The following MID2 variants were observed in gnomAD, a reference collection of about 807,000 sequenced individuals.
MID2 encodes midline 2.
MID2 carries 13 observed loss-of-function variants against 46.1 expected under a neutral mutation model. The ratio of observed to expected loss-of-function variants is 0.28; its 90% CI spans 0.18 to 0.45. The LOEUF is 0.45. Ranked by LOEUF, MID2 falls within the 20% of genes least tolerant of loss-of-function variation. MID2 has a pLI of 1.00. For missense variants in MID2, 431 were observed against 575.4 expected (o/e 0.75, Z 2.57); for synonymous variants, 199 against 212.3 (o/e 0.94, Z 0.55).
chrX:107,886,914 A>T (rs1932466171), intron 3 of MID2, among the ~76,000 whole-genome samples: 1 of 111,293 alleles, frequency 9.0e-6, no homozygotes, highest in African/African-American at 3.3e-5. Context: ...TCATGATTTG[A>T]CTTTCTGTTT....
chrX:107,892,659 GC>G (rs1410157514), intron 3 of MID2, among the ~76,000 whole-genome samples: 3 of 111,195 alleles, frequency 2.7e-5, no homozygotes, highest in Non-Finnish European at 5.7e-5. Context: ...TTATGATCTG[GC>G]CCCTACCTAC....
At chrX:107,874,987 G>A (rs1484084848) in intron 3 of MID2, among the ~76,000 whole-genome samples, 1 of 110,503 alleles carries the variant, frequency 9.0e-6, no homozygotes, top group Non-Finnish European at 1.9e-5. Context: ...TCCTCAGTTC[G>A]AGCACAGAGG....
intron 1 of MID2, among the ~76,000 whole-genome samples, chrX:107,833,620 G>A (rs1931141390): frequency 2.7e-5 from 3 of 109,222 alleles, no homozygotes; most frequent in African/African-American, 1.0e-4. Context: ...TAATTAAGTG[G>A]GCATTTAATT....
chrX:107,853,239 T>G (rs1931669224), intron 2 of MID2, among the ~76,000 whole-genome samples: 1 of 111,788 alleles, frequency 8.9e-6, no homozygotes, highest in South Asian at 3.8e-4. Flanking sequence ...GTACCCCTAA[T>G]ATGTACCTGA....
At chrX:107,904,186 C>A in intron 4 of MID2, 121 bp downstream of exon 4, 1 of 530,942 alleles carries the variant, frequency 1.9e-6, no homozygotes. Context: ...GGGGGAGAGG[C>A]AAAGAAGTGA....
At chrX:107,856,893 A>T (rs972037648) in intron 3 of MID2, among the ~76,000 whole-genome samples, 12 of 112,186 alleles carry the variant, frequency 1.1e-4, no homozygotes, top group African/African-American at 3.6e-4. Context: ...AAATCCGATC[A>T]TGTAAGCCAC....
At chrX:107,886,555 G>A (rs1209036898) in intron 3 of MID2, among the ~76,000 whole-genome samples, 1 of 111,831 alleles carries the variant, frequency 8.9e-6, no homozygotes, top group African/African-American at 3.3e-5. Flanking sequence ...GTCAGGTAGC[G>A]TGATGCTTCC....
At chrX:107,885,175 G>T (rs1932423274) in intron 3 of MID2, among the ~76,000 whole-genome samples, 1 of 108,897 alleles carries the variant, frequency 9.2e-6, no homozygotes, top group Non-Finnish European at 1.9e-5. Flanking sequence ...ACAACGTGCA[G>T]GTTTGTTACA....
intron 3 of MID2, among the ~76,000 whole-genome samples, chrX:107,856,257 A>G (rs1240395121): frequency 8.9e-6 from 1 of 111,879 alleles, no homozygotes; most frequent in African/African-American, 3.2e-5. Flanking sequence ...CACTCTGTCA[A>G]AGTTTCTCAT....
At chrX:107,854,154 A>C (rs1165473335) in intron 2 of MID2, among the ~76,000 whole-genome samples, 2 of 111,617 alleles carry the variant, frequency 1.8e-5, no homozygotes, top group Non-Finnish European at 3.8e-5. Flanking sequence ...ATAAGTTGAA[A>C]ATTTCTTAAG....
chrX:107,846,535 T>A (rs1246589774), intron 2 of MID2, among the ~76,000 whole-genome samples: 1 of 111,083 alleles, frequency 9.0e-6, no homozygotes, highest in African/African-American at 3.3e-5. Context: ...CCCCATCACA[T>A]ACAATATGTG....
At chrX:107,857,430 G>A (rs900834825) in intron 3 of MID2, among the ~76,000 whole-genome samples, 3 of 111,320 alleles carry the variant, frequency 2.7e-5, no homozygotes, top group Non-Finnish European at 5.7e-5. Flanking sequence ...ACAGGCACAC[G>A]CCACCATGCC....
intron 9 of MID2, 55 bp downstream of exon 9, chrX:107,926,356 G>A: frequency 1.0e-6 from 1 of 993,731 alleles, no homozygotes; most frequent in Non-Finnish European, 1.4e-6. Flanking sequence ...AGGTTCCTAG[G>A]AGATTCAATT....
intron 3 of MID2, among the ~76,000 whole-genome samples, chrX:107,880,342 G>A (rs1602482043): frequency 9.0e-6 from 1 of 110,805 alleles, no homozygotes; most frequent in Non-Finnish European, 1.9e-5. Context: ...GGCTGGTCTC[G>A]AATTCCTAGG....
intron 3 of MID2, chrX:107,895,518 A>T (rs1382837717): frequency 8.9e-6 from 1 of 111,930 alleles, no homozygotes; most frequent in Non-Finnish European, 1.9e-5. Context: ...TTTATTTTTT[A>T]TTACTAAGTA....
chrX:107,872,393 G>T (rs1456675725), intron 3 of MID2, among the ~76,000 whole-genome samples: 1 of 112,615 alleles, frequency 8.9e-6, no homozygotes, highest in African/African-American at 3.2e-5. Context: ...ATACCCCATG[G>T]TATAGCACAG....
intron 3 of MID2, among the ~76,000 whole-genome samples, chrX:107,879,364 G>A (rs1477247495): frequency 9.0e-6 from 1 of 111,598 alleles, no homozygotes. Flanking sequence ...AAAAGGGGAC[G>A]GAGCAGGAAG....
intron 3 of MID2, among the ~76,000 whole-genome samples, chrX:107,874,018 C>G (rs1340329091): frequency 9.5e-6 from 1 of 105,703 alleles, no homozygotes; most frequent in Non-Finnish European, 1.9e-5. Flanking sequence ...AGTAGAGAGA[C>G]ACACTCTCAA....
intron 3 of MID2, among the ~76,000 whole-genome samples, chrX:107,874,780 A>C (rs1932161783): frequency 9.0e-6 from 1 of 111,473 alleles, no homozygotes; most frequent in Non-Finnish European, 1.9e-5. Flanking sequence ...GAATCCCCTC[A>C]GTTGCTTGAG....
Sources: allele counts gnomAD v4.1 joint callset (sites outside exome capture counted in the v4.1 genomes callset), GRCh38; gene constraint gnomAD v4.1.1; transcripts MANE v1.5; gene names NCBI Gene and HGNC (gene_info 2026-07-23, HGNC 2026-07-21).